The following EFNA5 variants were observed in gnomAD, a reference collection of about 807,000 sequenced individuals.
EFNA5 encodes the protein ephrin-A5.
In EFNA5, 5 loss-of-function variants were observed where a neutral mutation model predicts 22.9. That is an observed-to-expected ratio of 0.22 (90% CI 0.11 to 0.46). The LOEUF (loss-of-function observed/expected upper bound fraction) is 0.46. EFNA5 is among the 20% of genes least tolerant of loss of function. The pLI is 0.99. For synonymous variants in EFNA5, 113 were observed against 112.2 expected (o/e 1.01, Z -0.04); for missense variants, 237 against 293.3 (o/e 0.81, Z 1.40).
intron 1 of EFNA5, among the ~76,000 whole-genome samples, chr5:107,584,733 T>C (rs891890278): frequency 6.6e-6 from 1 of 152,174 alleles, no homozygotes; most frequent in African/African-American, 2.4e-5. Context: ...TTGCTAGCCA[T>C]GGGACTTTGT....
chr5:107,515,972 T>C (rs1360144448), intron 1 of EFNA5, among the ~76,000 whole-genome samples: 1 of 152,198 alleles, frequency 6.6e-6, no homozygotes, highest in Non-Finnish European at 1.5e-5. Flanking sequence ...TACTTATCCT[T>C]ACAATTCAAA....
At chr5:107,412,106 C>T (rs1213205622) in intron 2 of EFNA5, among the ~76,000 whole-genome samples, 1 of 152,120 alleles carries the variant, frequency 6.6e-6, no homozygotes, top group Non-Finnish European at 1.5e-5. Context: ...TTAAAGTCAT[C>T]TACAAATAAG....
intron 1 of EFNA5, among the ~76,000 whole-genome samples, chr5:107,592,297 T>C (rs1323698820): frequency 1.3e-5 from 2 of 151,266 alleles, no homozygotes; most frequent in Non-Finnish European, 2.9e-5. Flanking sequence ...AATAAGTTTG[T>C]ATAAACTTCA....
intron 1 of EFNA5, among the ~76,000 whole-genome samples, chr5:107,495,993 T>C (rs1221416309): frequency 1.3e-5 from 2 of 151,868 alleles, no homozygotes; most frequent in African/African-American, 4.8e-5. Context: ...AGGCCTCTTT[T>C]TTCTGTCCTT....
chr5:107,419,692 T>C (rs2112412249), intron 2 of EFNA5, among the ~76,000 whole-genome samples: 1 of 152,316 alleles, frequency 6.6e-6, no homozygotes, highest in Middle Eastern at 3.4e-3. Flanking sequence ...TAAAACACCA[T>C]GTGCTAGTAC....
intron 1 of EFNA5, among the ~76,000 whole-genome samples, chr5:107,454,906 A>C (rs768398542): frequency 5.3e-5 from 8 of 152,144 alleles, no homozygotes; most frequent in Non-Finnish European, 1.0e-4. Flanking sequence ...GTAGAGAGGG[A>C]AGGAAGCTTT....
intron 2 of EFNA5, among the ~76,000 whole-genome samples, chr5:107,423,334 T>C (rs149880681): frequency 2.3e-3 from 352 of 151,432 alleles, no homozygotes; most frequent in African/African-American, 7.1e-3. Flanking sequence ...AAAACTTCTA[T>C]CAAACATATT....
intron 1 of EFNA5, among the ~76,000 whole-genome samples, chr5:107,569,175 G>T (rs968334962): frequency 2.6e-5 from 4 of 151,786 alleles, no homozygotes; most frequent in Non-Finnish European, 4.4e-5. Flanking sequence ...TTTCTGTATT[G>T]GGGGTGAATG....
chr5:107,610,602 ATC>A (rs1749806264), intron 1 of EFNA5, among the ~76,000 whole-genome samples: 2 of 152,182 alleles, frequency 1.3e-5, no homozygotes, highest in African/African-American at 4.8e-5. Context: ...CACAAAACGT[ATC>A]TCTTTTTTTA....
chr5:107,493,882 G>A (rs915929032), intron 1 of EFNA5, among the ~76,000 whole-genome samples: 1 of 152,322 alleles, frequency 6.6e-6, no homozygotes, highest in South Asian at 2.1e-4. Flanking sequence ...CACAGATGAG[G>A]AAACAGGCAC....
intron 4 of EFNA5, among the ~76,000 whole-genome samples, chr5:107,386,791 T>C (rs1389072180): frequency 6.6e-6 from 1 of 152,232 alleles, no homozygotes; most frequent in East Asian, 1.9e-4. Flanking sequence ...TATGTTGAAT[T>C]AGTTTCTATT....
intron 1 of EFNA5, among the ~76,000 whole-genome samples, chr5:107,430,247 TA>T (rs1748912690): frequency 6.6e-6 from 1 of 152,116 alleles, no homozygotes; most frequent in Admixed American, 6.5e-5. Context: ...AAAGTTCAGA[TA>T]AAAGGGTGCT....
intron 1 of EFNA5, among the ~76,000 whole-genome samples, chr5:107,524,282 T>C (rs1747652889): frequency 6.6e-6 from 1 of 152,216 alleles, no homozygotes. Flanking sequence ...AAAGCCATTG[T>C]GGGCACCAGC....
chr5:107,543,445 G>A (rs1561427528), intron 1 of EFNA5, among the ~76,000 whole-genome samples: 1 of 152,176 alleles, frequency 6.6e-6, no homozygotes, highest in African/African-American at 2.4e-5. Context: ...AAATGAAGGG[G>A]AAAGTTATCT....
At chr5:107,646,801 T>C (rs2112549421) in intron 1 of EFNA5, among the ~76,000 whole-genome samples, 1 of 152,316 alleles carries the variant, frequency 6.6e-6, no homozygotes, top group African/African-American at 2.4e-5. Flanking sequence ...AGAATGTCCT[T>C]GACCACAAAT....
chr5:107,617,696 C>G (rs909050655), intron 1 of EFNA5, among the ~76,000 whole-genome samples: 2 of 152,090 alleles, frequency 1.3e-5, no homozygotes, highest in Admixed American at 6.5e-5. Flanking sequence ...TCTTTTCTAC[C>G]TTCTAGTGGG....
At chr5:107,473,717 A>G (rs939537011) in intron 1 of EFNA5, among the ~76,000 whole-genome samples, 3 of 151,210 alleles carry the variant, frequency 2.0e-5, no homozygotes, top group Non-Finnish European at 4.4e-5. Flanking sequence ...TGGAGTGCAA[A>G]TGGTGTGATC....
At chr5:107,391,051 C>T (rs905744288) in intron 2 of EFNA5, among the ~76,000 whole-genome samples, 7 of 152,046 alleles carry the variant, frequency 4.6e-5, no homozygotes, top group African/African-American at 7.2e-5. Flanking sequence ...CCCAGCTACT[C>T]GGGAGGCTAA....
chr5:107,611,491 G>A (rs755750050), intron 1 of EFNA5, among the ~76,000 whole-genome samples: 2 of 152,168 alleles, frequency 1.3e-5, no homozygotes, highest in Admixed American at 6.5e-5. Flanking sequence ...GTAAAAGAGG[G>A]TTGGGATTAC....
Sources: gnomAD v4.1 joint callset for allele counts (sites outside exome capture counted in the v4.1 genomes callset) on GRCh38, gnomAD v4.1.1 for gene constraint, MANE v1.5 for transcripts, NCBI Gene and HGNC (gene_info 2026-07-23, HGNC 2026-07-21) for gene names.